ARHGAP15: variants seen among roughly 807,000 people sequenced by gnomAD.
ARHGAP15 encodes the protein Rho GTPase activating protein 15.
Under a neutral mutation model 63.7 loss-of-function variants are expected in ARHGAP15, and 51 were observed. The observed-to-expected ratio is 0.80, with a 90% CI of 0.64 to 1.01. The LOEUF is 1.01. Among genes scored for constraint, ARHGAP15 ranks in the 50% least tolerant of loss-of-function variants. The pLI, the probability that ARHGAP15 is intolerant of heterozygous loss-of-function variation, is 0.00. For synonymous variants in ARHGAP15, 191 were observed against 193.8 expected (o/e 0.99, Z 0.12); for missense variants, 560 against 564.6 (o/e 0.99, Z 0.08).
At chr2:143,512,793 A>G (rs144739666) in intron 9 of ARHGAP15, among the ~76,000 whole-genome samples, 2 of 152,306 alleles carry the variant, frequency 1.3e-5, no homozygotes, top group African/African-American at 4.8e-5. Context: ...GAAAGTCAGG[A>G]GCTGAGTTGG....
intron 3 of ARHGAP15, among the ~76,000 whole-genome samples, chr2:143,204,933 T>C (rs2105119925): frequency 6.6e-6 from 1 of 150,486 alleles, no homozygotes; most frequent in African/African-American, 2.5e-5. Context: ...TTCCCTAATC[T>C]CTCTTAAAAA....
chr2:143,693,160 T>G (rs561249396), intron 12 of ARHGAP15, among the ~76,000 whole-genome samples: 1 of 152,284 alleles, frequency 6.6e-6, no homozygotes, highest in African/African-American at 2.4e-5. Flanking sequence ...CGAATATTTC[T>G]CCAGCACTCA....
chr2:143,609,847 T>A (rs1698185677), intron 11 of ARHGAP15, among the ~76,000 whole-genome samples: 2 of 152,120 alleles, frequency 1.3e-5, no homozygotes, highest in Admixed American at 1.3e-4. Context: ...GGACTGTGAA[T>A]GCTTAATCCC....
intron 5 of ARHGAP15, among the ~76,000 whole-genome samples, chr2:143,239,990 CAAAAAAAAAAAAAAA>C (rs60960176): frequency 6.4e-4 from 17 of 26,460 alleles, no homozygotes; most frequent in Admixed American, 1.4e-3. Flanking sequence ...GACTCTGTCT[CAAAAAAAAAAAAAAA>C]AAAAAAAAAA....
chr2:143,487,564 A>G, intron 9 of ARHGAP15, 69 bp downstream of exon 9: 2 of 1,507,726 alleles, frequency 1.3e-6, no homozygotes, highest in Non-Finnish European at 1.8e-6. Context: ...ATAGCTAATC[A>G]GCTCTAAAGG....
At chr2:143,222,506 T>G (rs940426219) in intron 4 of ARHGAP15, among the ~76,000 whole-genome samples, 37 of 152,224 alleles carry the variant, frequency 2.4e-4, no homozygotes, top group Admixed American at 2.4e-3. Context: ...ACCCGGAGTT[T>G]AAGCTAACAG....
chr2:143,158,723 G>A (rs1012054381), intron 2 of ARHGAP15, among the ~76,000 whole-genome samples: 4 of 151,842 alleles, frequency 2.6e-5, no homozygotes, highest in African/African-American at 4.8e-5. Context: ...TTGTTGTCCC[G>A]TCCTGAGCAC....
chr2:143,304,174 A>G (rs1683056850), intron 6 of ARHGAP15, among the ~76,000 whole-genome samples: 1 of 152,194 alleles, frequency 6.6e-6, no homozygotes, highest in African/African-American at 2.4e-5. Flanking sequence ...TTGTGGCATT[A>G]TTCACAATAG....
At chr2:143,381,468 A>G (rs1344606471) in intron 6 of ARHGAP15, among the ~76,000 whole-genome samples, 2 of 151,098 alleles carry the variant, frequency 1.3e-5, no homozygotes, top group Non-Finnish European at 3.0e-5. Context: ...TGAAAAAAAA[A>G]TTGGCAGTTG....
intron 8 of ARHGAP15, among the ~76,000 whole-genome samples, chr2:143,447,496 G>T (rs1276205930): frequency 6.6e-6 from 1 of 152,144 alleles, no homozygotes; most frequent in Non-Finnish European, 1.5e-5. Flanking sequence ...CATGTTCACT[G>T]TATCAAAAGG....
At position 143,341,128 on chromosome 2, in the gene ARHGAP15, T is replaced by C. The variant is rs10183350; in HGVS notation, c.474+90528T>C. On this transcript the variant is annotated intron_variant, in intron 6 of 13. Transcript: ENST00000295095. ...ACATAGAAGCCAGCGGGTCCTGCTTTTGTGGTCCTGTCACATCATCCATTA... is the reference window on the plus strand; with the variant it reads ...ACATAGAAGCCAGCGGGTCCTGCTTCTGTGGTCCTGTCACATCATCCATTA... Among the ~76,000 whole-genome samples, 1,394 of 152,198 alleles carry C rather than the reference T, an allele frequency of 9.2e-3. 9 individuals carry two copies. Among genetic ancestry groups the C allele is most frequent in the Middle Eastern group, 0.034 (10 of 294 alleles).
chr2:143,321,853 T>C (rs1361860413), intron 6 of ARHGAP15, among the ~76,000 whole-genome samples: 1 of 152,192 alleles, frequency 6.6e-6, no homozygotes, highest in Admixed American at 6.5e-5. Context: ...CACACCCTGC[T>C]ACATTTTTGT....
At chr2:143,243,294 G>T (rs1179864024) in intron 5 of ARHGAP15, among the ~76,000 whole-genome samples, 1 of 152,182 alleles carries the variant, frequency 6.6e-6, no homozygotes, top group African/African-American at 2.4e-5. Context: ...ATTGGGAAAT[G>T]GTGAAGATAG....
intron 8 of ARHGAP15, among the ~76,000 whole-genome samples, chr2:143,468,657 AGAGAGAGTGTGTGT>A (rs1368029556): frequency 2.5e-5 from 3 of 122,198 alleles, no homozygotes; most frequent in African/African-American, 9.3e-5. Flanking sequence ...AGAGAGAGAG[AGAGAGAGTGTGTGT>A]GTGTGTGTGT....
rs797015201 is a variant in ARHGAP15, at chr2:143,477,242, G to GGTCT, written c.704-10130_704-10127dup. 7.3e-5 allele frequency among the ~76,000 whole-genome samples: 11 copies of GGTCT among 151,132 alleles called. No homozygotes were observed. In the South Asian group the frequency reaches 2.3e-3, roughly 32 times the overall value. On this transcript the variant is annotated intron_variant, in intron 8 of 13. Coordinates refer to ENST00000295095, the MANE Select transcript of ARHGAP15 (RefSeq NM_018460.4). ...CACACACACATATACAGCAGCTAAGGGTCTAATCTAATAACAACAGATGCA... is the reference window on the plus strand; with the variant it reads ...CACACACACATATACAGCAGCTAAGGGTCTGTCTAATCTAATAACAACAGATGCA...
chr2:143,694,200 A>T (rs1389429683), intron 12 of ARHGAP15, among the ~76,000 whole-genome samples: 2 of 152,056 alleles, frequency 1.3e-5, no homozygotes, highest in Non-Finnish European at 2.9e-5. Context: ...ATAAAAAGAA[A>T]GGGGTGGGGG....
intron 11 of ARHGAP15, among the ~76,000 whole-genome samples, chr2:143,614,705 G>A (rs1216584103): frequency 1.3e-5 from 2 of 152,170 alleles, no homozygotes; most frequent in Non-Finnish European, 2.9e-5. Flanking sequence ...CTTTGAGACA[G>A]AGATAGAGGA....
At chr2:143,365,297 T>C (rs1434796172) in intron 6 of ARHGAP15, among the ~76,000 whole-genome samples, 1 of 152,218 alleles carries the variant, frequency 6.6e-6, no homozygotes, top group African/African-American at 2.4e-5. Flanking sequence ...GAAGCTAACC[T>C]GAGCCATCTA....
intron 11 of ARHGAP15, among the ~76,000 whole-genome samples, chr2:143,587,048 G>A (rs918792448): frequency 1.3e-5 from 2 of 152,016 alleles, no homozygotes; most frequent in African/African-American, 4.8e-5. Context: ...ATGATCCTGA[G>A]GAATGGACAA....
Sources: allele counts gnomAD v4.1 joint callset (sites outside exome capture counted in the v4.1 genomes callset), GRCh38; gene constraint gnomAD v4.1.1; transcripts MANE v1.5; gene names NCBI Gene and HGNC (gene_info 2026-07-23, HGNC 2026-07-21).